The following LAMC2 variants were observed in gnomAD, a reference collection of about 807,000 sequenced individuals.
LAMC2 encodes the protein laminin subunit gamma-2.
In LAMC2, 97 loss-of-function variants were observed where a neutral mutation model predicts 140.2. That is an observed-to-expected ratio of 0.69 (90% CI 0.59 to 0.82). The LOEUF (loss-of-function observed/expected upper bound fraction) is 0.82. Ranked by LOEUF, LAMC2 falls within the 40% of genes least tolerant of loss-of-function variation. The pLI, the probability that LAMC2 is intolerant of heterozygous loss-of-function variation, is 0.00. For synonymous variants in LAMC2, 513 were observed against 540.2 expected, an observed-to-expected ratio of 0.95 and a Z score of 0.70; for missense variants, 1,402 against 1,476.1, an observed-to-expected ratio of 0.95 and a Z score of 0.82.
rs1304962355 is a variant in LAMC2, at chr1:183,238,373, G to T, written c.2821G>T (p.Gly941Cys). The T allele has an allele frequency of 1.2e-6, 2 of 1,613,878 alleles. No individual in the cohort carries two copies. The highest frequency in any genetic ancestry group is 1.3e-5 in the African/African-American group (1 of 74,912). ...KSRAQEALSM[G>C]NATFYEVESI... ...CAGAGCACAAGAAGCACTGAGTATG[G>T]GCAATGCCACTTTTTATGAAGTTGA... Residue 941 changes from glycine to cysteine, a missense_variant, in exon 19 of 23, where the codon GGC becomes TGC. Gly to Cys is a radical substitution (Grantham distance 159). This residue lies in a region of LAMC2 where 670 missense variants were observed against 667.2 expected (regional missense o/e 1.00). Transcript: ENST00000264144.
chr1:183,227,181 C>T (rs1386517985), intron 9 of LAMC2, among the ~76,000 whole-genome samples: 1 of 152,096 alleles, frequency 6.6e-6, no homozygotes, highest in Non-Finnish European at 1.5e-5. Context: ...TGTCGAGTTC[C>T]AAGAATTGTG....
chr1:183,204,977 C>A (rs893487652), intron 1 of LAMC2, among the ~76,000 whole-genome samples: 1 of 152,064 alleles, frequency 6.6e-6, no homozygotes, highest in African/African-American at 2.4e-5. Context: ...CACCTGCCAC[C>A]ACTCCCAGCT....
chr1:183,199,372 G>T (rs1336265780), intron 1 of LAMC2, among the ~76,000 whole-genome samples: 1 of 152,028 alleles, frequency 6.6e-6, no homozygotes, highest in Non-Finnish European at 1.5e-5. Flanking sequence ...AAAGTGCTGG[G>T]ATTACAGACT....
chr1:183,256,562 G>A, the LAMC2 span, among the ~76,000 whole-genome samples: 347 of 152,290 alleles, frequency 2.3e-3, no homozygotes, highest in Non-Finnish European at 3.6e-3. Flanking sequence ...ATGGTCATGT[G>A]GTTTTATCTT....
intron 6 of LAMC2, 92 bp from the exon 7 acceptor site, chr1:183,223,043 C>CA: frequency 8.5e-7 from 1 of 1,171,814 alleles, no homozygotes; most frequent in Non-Finnish European, 1.3e-6. Flanking sequence ...CACAGGACTT[C>CA]AACAGAAATT....
chr1:183,192,700 A>G (rs1658380706), intron 1 of LAMC2, among the ~76,000 whole-genome samples: 1 of 151,924 alleles, frequency 6.6e-6, no homozygotes, highest in Non-Finnish European at 1.5e-5. Flanking sequence ...TCCTTGGCAT[A>G]TTTCTCATTT....
At chr1:183,198,330 A>G (rs559927861) in intron 1 of LAMC2, among the ~76,000 whole-genome samples, 6 of 151,988 alleles carry the variant, frequency 3.9e-5, no homozygotes. Flanking sequence ...ATTTTAGTAG[A>G]GACAGGGTTT....
chr1:183,212,267 T>A (rs970593848), intron 2 of LAMC2, among the ~76,000 whole-genome samples: 10 of 152,198 alleles, frequency 6.6e-5, no homozygotes, highest in Non-Finnish European at 1.3e-4. Context: ...ATGAGGGACT[T>A]CTATTTAACA....
Position 183,243,643 on chromosome 1 carries a change from T to C in LAMC2, c.*243T>C. On this transcript the variant is annotated 3_prime_UTR_variant, in exon 23 of 23. Coordinates refer to ENST00000264144, the MANE Select transcript of LAMC2 (RefSeq NM_005562.3). ...CTGGGTGTGAGAATGATCAAGGATCTGGACCCCAAAGAATAGACTGGATGG... is the reference window on the plus strand; with the variant it reads ...CTGGGTGTGAGAATGATCAAGGATCCGGACCCCAAAGAATAGACTGGATGG... The C allele has an allele frequency of 3.5e-6, 2 of 563,864 alleles. No individual in the cohort carries two copies. Among genetic ancestry groups the C allele is most frequent in the Non-Finnish European group, 6.4e-6 (2 of 313,410 alleles). 34.9% of individuals were successfully genotyped at this position (563,864 alleles called of 1,614,324 possible).
chr1:183,240,340 G>T lies in LAMC2; in HGVS notation c.3277G>T (p.Val1093Phe). The change falls in exon 22 of 23, where the codon GTT becomes TTT. Residue 1093 changes from valine (V) to phenylalanine (F), a missense_variant. Around this residue, in one of 3 missense-constraint regions of LAMC2, gnomAD observed 670 missense variants for 667.2 expected, o/e 1.00. Transcript: ENST00000264144. ...KVDTRAKNAG[V>F]TIQDTLNTLD... is the part of the protein sequence containing the mutation. ...TGATACCAGAGCCAAGAACGCTGGG[G>T]TTACAATCCAAGACACACTCAACAC... 5.0e-6 allele frequency: 8 copies of T among 1,614,184 alleles called. No homozygotes were observed. The highest frequency in any genetic ancestry group is 5.9e-6 in the Non-Finnish European group (7 of 1,180,022).
In LAMC2 at chr1:183,229,002, T is replaced by C. The variant is rs186340741; in HGVS notation, c.1714+383T>C. ...GACTTGAGAGTAAGCCTAAGCAAAC[T>C]CAAGTGGGAAGGGGAGTGGGCTGTA... On this transcript the variant is annotated intron_variant, in intron 11 of 22. Transcript: ENST00000264144. Among the ~76,000 whole-genome samples, 118 of 152,174 alleles carry C rather than the reference T, an allele frequency of 7.8e-4. 1 individual carries two copies. The highest frequency in any genetic ancestry group is 2.7e-3 in the African/African-American group (110 of 41,508).
At chr1:183,236,960 C>A (rs1221225015) in intron 17 of LAMC2, among the ~76,000 whole-genome samples, 1 of 152,130 alleles carries the variant, frequency 6.6e-6, no homozygotes, top group Non-Finnish European at 1.5e-5. Flanking sequence ...GAGATGACTT[C>A]TTCTCAAAAG....
chr1:183,226,581 T>C (rs964466426), intron 8 of LAMC2, 117 bp from the exon 9 acceptor site: 21 of 888,502 alleles, frequency 2.4e-5, no homozygotes, highest in Non-Finnish European at 3.7e-5. Flanking sequence ...TGGCATGATA[T>C]ATGAACACCA....
At chr1:183,245,975 C>T (rs1002786292), downstream of LAMC2, among the ~76,000 whole-genome samples, 1 of 152,136 alleles carries the variant, frequency 6.6e-6, no homozygotes, top group African/African-American at 2.4e-5. Flanking sequence ...TGAGACCATC[C>T]TTACTAACAT....
At chr1:183,251,709 G>A in the LAMC2 span, 1 of 152,938 alleles carries the variant, frequency 6.5e-6, no homozygotes, top group Admixed American at 6.5e-5. Flanking sequence ...AGGATGGACT[G>A]GCTCTGTGTG....
downstream of LAMC2, chr1:183,250,005 A>G (rs1007795008): frequency 6.6e-6 from 1 of 152,154 alleles, no homozygotes; most frequent in African/African-American, 2.4e-5. Context: ...CTGTAGACCA[A>G]ATGGGGCTTG....
chr1:183,191,283 G>A (rs1171689297), intron 1 of LAMC2, among the ~76,000 whole-genome samples: 1 of 152,124 alleles, frequency 6.6e-6, no homozygotes, highest in East Asian at 1.9e-4. Context: ...GGTTGGAGGT[G>A]GGCTGGAAAT....
At chr1:183,240,536 A>G in intron 22 of LAMC2, 145 bp downstream of exon 22, 2 of 1,457,190 alleles carry the variant, frequency 1.4e-6, no homozygotes, top group Non-Finnish European at 1.8e-6. Flanking sequence ...AGGCCCAGAT[A>G]ACTTTCGGCA....
chr1:183,234,298 T>C, intron 14 of LAMC2, 69 bp from the exon 15 acceptor site: 1 of 1,202,700 alleles, frequency 8.3e-7, no homozygotes, highest in Non-Finnish European at 1.2e-6. Flanking sequence ...CAGATGCACC[T>C]GCTTAAGTTC....
Sources: gnomAD v4.1 joint callset for allele counts (sites outside exome capture counted in the v4.1 genomes callset) on GRCh38, gnomAD v4.1.1 for gene constraint, gnomAD v4.1.1 regional missense constraint, MANE v1.5 for transcripts, NCBI Gene and HGNC (gene_info 2026-07-23, HGNC 2026-07-21) for gene names.